PARD3: variants seen among roughly 807,000 people sequenced by gnomAD.
PARD3 encodes the protein partitioning defective 3 homolog.
Under a neutral mutation model 155.4 loss-of-function variants are expected in PARD3, and 75 were observed. The observed-to-expected ratio is 0.48, with a 90% CI of 0.40 to 0.58. The LOEUF is 0.58. PARD3 is among the 20% of genes least tolerant of loss of function. The pLI, the probability that PARD3 is intolerant of heterozygous loss-of-function variation, is 0.00. For synonymous variants in PARD3, 576 were observed against 610.5 expected, an observed-to-expected ratio of 0.94 and a Z score of 0.83; for missense variants, 1,642 against 1,721.7, an observed-to-expected ratio of 0.95 and a Z score of 0.82.
chr10:34,728,350 C>T (rs2094756112), intron 1 of PARD3, among the ~76,000 whole-genome samples: 1 of 152,098 alleles, frequency 6.6e-6, no homozygotes, highest in Non-Finnish European at 1.5e-5. Flanking sequence ...CGCTAAATGT[C>T]ATTTCTGAAC....
intron 23 of PARD3, among the ~76,000 whole-genome samples, chr10:34,125,836 G>T (rs954344559): frequency 1.1e-4 from 17 of 152,212 alleles, no homozygotes; most frequent in African/African-American, 4.1e-4. Flanking sequence ...AAAGGATTTA[G>T]CAATACAGCT....
chr10:34,233,913 G>T (rs1306107257), intron 22 of PARD3, among the ~76,000 whole-genome samples: 1 of 152,030 alleles, frequency 6.6e-6, no homozygotes, highest in African/African-American at 2.4e-5. Context: ...ACTGTGATGT[G>T]GGAGCTGCCT....
intron 2 of PARD3, among the ~76,000 whole-genome samples, chr10:34,683,259 C>G (rs546356293): frequency 6.6e-6 from 1 of 152,066 alleles, no homozygotes; most frequent in Non-Finnish European, 1.5e-5. Flanking sequence ...GGGAGAGAAG[C>G]AAGGCTTGCA....
Position 34,814,925 on chromosome 10 carries a change from A to T in PARD3, c.71T>A (p.Phe24Tyr). Residue 24 changes from phenylalanine to tyrosine, a missense_variant, in exon 1 of 25, where the codon TTC (phenylalanine) becomes TAC (tyrosine). Physicochemically the swap from Phe to Tyr is conservative, Grantham distance 22. Transcript: ENST00000374788. ...GGTCACCGCCTGCTGGATGAGGCTG[A>T]AAACTTTCATGTGGCCGTCCCCGCA... ...VPCGDGHMKV[F>Y]SLIQQAVTRY... The T allele has an allele frequency of 6.4e-7, 1 of 1,565,570 alleles. No homozygotes were observed. Among genetic ancestry groups the T allele is most frequent in the Non-Finnish European group, 8.6e-7 (1 of 1,157,962 alleles).
intron 22 of PARD3, among the ~76,000 whole-genome samples, chr10:34,218,842 A>G (rs1249136086): frequency 6.6e-6 from 1 of 152,048 alleles, no homozygotes; most frequent in African/African-American, 2.4e-5. Context: ...AAAGAGGAAG[A>G]AAAAGGGTGA....
At chr10:34,513,150 T>A (rs956542124) in intron 3 of PARD3, among the ~76,000 whole-genome samples, 12 of 152,224 alleles carry the variant, frequency 7.9e-5, no homozygotes, top group African/African-American at 2.4e-4. Flanking sequence ...ACTGTAAAAA[T>A]TAAAAATTGA....
At chr10:34,251,271 C>T (rs1282418415) in intron 22 of PARD3, among the ~76,000 whole-genome samples, 1 of 152,114 alleles carries the variant, frequency 6.6e-6, no homozygotes, top group Non-Finnish European at 1.5e-5. Flanking sequence ...ATATCATACC[C>T]ATGCAAAAAC....
chr10:34,357,619 G>A lies in PARD3; in HGVS notation c.2067+1528C>T, dbSNP rs139425020. Reference sequence around the variant, plus strand: ...ACTATTCAATCAGTCCAGGAGGGACGGAAAAGAGAAAAAAATATCAGTCCA... The same window carrying A: ...ACTATTCAATCAGTCCAGGAGGGACAGAAAAGAGAAAAAAATATCAGTCCA... On this transcript the variant is annotated intron_variant, in intron 14 of 24. Coordinates refer to ENST00000374788, the MANE Select transcript of PARD3 (RefSeq NM_001184785.2). Among the ~76,000 whole-genome samples, 403 of 152,212 alleles carry A rather than the reference G, an allele frequency of 2.6e-3. 8 individuals are homozygous for A. The highest frequency in any genetic ancestry group is 0.02 in the Admixed American group (302 of 15,298).
chr10:34,707,244 CAA>C (rs774551239), intron 1 of PARD3, among the ~76,000 whole-genome samples: 17 of 102,780 alleles, frequency 1.7e-4, no homozygotes, highest in Non-Finnish European at 1.9e-4. Flanking sequence ...GACCCTGTCT[CAA>C]AAAAAAAAAA....
intron 1 of PARD3, among the ~76,000 whole-genome samples, chr10:34,801,225 G>C (rs1255174576): frequency 6.6e-6 from 1 of 152,084 alleles, no homozygotes; most frequent in Non-Finnish European, 1.5e-5. Flanking sequence ...CTAAAACTTG[G>C]AATTTCAAAC....
chr10:34,764,263 G>A (rs1198597512), intron 1 of PARD3, among the ~76,000 whole-genome samples: 2 of 152,162 alleles, frequency 1.3e-5, no homozygotes, highest in Non-Finnish European at 2.9e-5. Context: ...CTGAAGGAAG[G>A]CATTCTAAAT....
At chr10:34,640,628 G>C (rs1183092381) in intron 2 of PARD3, among the ~76,000 whole-genome samples, 6 of 140,562 alleles carry the variant, frequency 4.3e-5, no homozygotes, top group Admixed American at 7.7e-5. Flanking sequence ...GAGTTTGCTT[G>C]AAACCGGGAG....
intron 22 of PARD3, among the ~76,000 whole-genome samples, chr10:34,147,358 C>T (rs111991940): frequency 0.01 from 1,580 of 152,198 alleles, 34 homozygotes; most frequent in African/African-American, 0.036. Context: ...TAAAATTATA[C>T]TGCAGCTGAT....
At chr10:34,486,951 ATTCTC>A (rs2133269692) in intron 3 of PARD3, among the ~76,000 whole-genome samples, 1 of 152,164 alleles carries the variant, frequency 6.6e-6, no homozygotes, top group South Asian at 2.1e-4. Flanking sequence ...AGCTTGATTT[ATTCTC>A]TCTCTCCAGG....
chr10:34,275,114 G>A (rs938099015), intron 21 of PARD3, among the ~76,000 whole-genome samples: 3 of 152,002 alleles, frequency 2.0e-5, no homozygotes, highest in African/African-American at 4.8e-5. Context: ...ATGACTAATC[G>A]CCACCAGTCA....
intron 22 of PARD3, among the ~76,000 whole-genome samples, chr10:34,135,870 T>A (rs1451016934): frequency 1.3e-5 from 2 of 152,178 alleles, no homozygotes; most frequent in East Asian, 3.9e-4. Flanking sequence ...GTATATGAAT[T>A]CAGAACATAC....
chr10:34,616,867 G>A (rs905954241), intron 2 of PARD3, among the ~76,000 whole-genome samples: 1 of 151,168 alleles, frequency 6.6e-6, no homozygotes, highest in Non-Finnish European at 1.5e-5. Context: ...CATGGGAGGT[G>A]GAGGCTGCAA....
At chr10:34,445,192 C>T (rs925831305) in intron 5 of PARD3, among the ~76,000 whole-genome samples, 4 of 152,148 alleles carry the variant, frequency 2.6e-5, no homozygotes, top group African/African-American at 7.2e-5. Context: ...AGTCAGATGA[C>T]TTTCCGGGAA....
chr10:34,595,899 G>A lies in PARD3; in HGVS notation c.223-78740C>T, dbSNP rs569109715. 4.6e-5 allele frequency among the ~76,000 whole-genome samples: 7 copies of A among 152,100 alleles called. No homozygotes were observed. The South Asian group carries it at 6.2e-4, about 14-fold the overall frequency. On this transcript the variant is annotated intron_variant, in intron 2 of 24. Coordinates refer to ENST00000374788, the MANE Select transcript of PARD3 (RefSeq NM_001184785.2). Reference sequence around the variant, plus strand: ...CCCAGCACTTTGGGAGGCCAACGTGGGAGGATTGCTTAAGCCTAGGAGTTC... The same window carrying A: ...CCCAGCACTTTGGGAGGCCAACGTGAGAGGATTGCTTAAGCCTAGGAGTTC...
Sources: allele counts gnomAD v4.1 joint callset (sites outside exome capture counted in the v4.1 genomes callset), GRCh38; gene constraint gnomAD v4.1.1; transcripts MANE v1.5; gene names NCBI Gene and HGNC (gene_info 2026-07-23, HGNC 2026-07-21).